The following PCNX2 variants were observed in gnomAD, a reference collection of about 807,000 sequenced individuals.
PCNX2 encodes the protein pecanex 2, also known as pecanex-like protein 2.
In PCNX2, 168 loss-of-function variants were observed where a neutral mutation model predicts 223.8. The observed-to-expected ratio is 0.75, with a 90% CI of 0.66 to 0.85. The LOEUF is 0.85. Among genes scored for constraint, PCNX2 ranks in the 40% least tolerant of loss-of-function variants. The probability of loss-of-function intolerance (pLI) is 0.00; values close to 1 mark genes in which losing one functional copy is unlikely to be tolerated. For synonymous variants in PCNX2, 1,006 were observed against 1,052.6 expected (o/e 0.96, Z 0.86); for missense variants, 2,507 against 2,675.5 (o/e 0.94, Z 1.39).
intron 23 of PCNX2, among the ~76,000 whole-genome samples, chr1:233,081,626 T>G (rs1673364403): frequency 1.3e-5 from 2 of 152,224 alleles, no homozygotes. Flanking sequence ...CACGCTTTCT[T>G]GCAGCCTGAA....
chr1:233,165,828 A>C (rs1036379431), intron 17 of PCNX2, among the ~76,000 whole-genome samples: 5 of 152,194 alleles, frequency 3.3e-5, no homozygotes, highest in African/African-American at 4.8e-5. Context: ...TTGTAATGAA[A>C]ATTCTAGCAG....
At chr1:233,075,196 G>T (rs1673037042) in intron 23 of PCNX2, among the ~76,000 whole-genome samples, 1 of 152,100 alleles carries the variant, frequency 6.6e-6, no homozygotes, top group African/African-American at 2.4e-5. Flanking sequence ...TCCTTCAATG[G>T]ATGACTTATT....
At chr1:233,300,360 G>A (rs1322418333), upstream of PCNX2, among the ~76,000 whole-genome samples, 1 of 152,224 alleles carries the variant, frequency 6.6e-6, no homozygotes, top group Non-Finnish European at 1.5e-5. Context: ...GAAATATTAT[G>A]CAATTGAGAA....
chr1:233,099,315 A>G (rs551198220), intron 21 of PCNX2, among the ~76,000 whole-genome samples: 1 of 152,342 alleles, frequency 6.6e-6, no homozygotes, highest in South Asian at 2.1e-4. Context: ...CACAAGCATG[A>G]ACATCACACA....
intron 21 of PCNX2, among the ~76,000 whole-genome samples, chr1:233,096,899 T>C (rs956904987): frequency 6.6e-6 from 1 of 152,184 alleles, no homozygotes; most frequent in Non-Finnish European, 1.5e-5. Flanking sequence ...CCTGGTGATT[T>C]TGGAACCCAA....
chr1:233,037,408 T>C (rs1443744673), intron 25 of PCNX2, among the ~76,000 whole-genome samples: 1 of 152,156 alleles, frequency 6.6e-6, no homozygotes, highest in Admixed American at 6.5e-5. Context: ...CATAGCTCAC[T>C]GTCACTCAAA....
chr1:233,031,646 G>C (rs1671268409), intron 25 of PCNX2: 1 of 595,838 alleles, frequency 1.7e-6, no homozygotes, highest in South Asian at 7.4e-5. Flanking sequence ...CTATGAAATA[G>C]GAGTCCAGGT....
At position 233,252,715 on chromosome 1, in the gene PCNX2, T is replaced by C. The variant is rs1430432826; in HGVS notation, c.1908A>G (p.Gly636=). 2 of 1,613,844 alleles carry C rather than the reference T, an allele frequency of 1.2e-6. No homozygotes were observed. Among genetic ancestry groups the C allele is most frequent in the Non-Finnish European group, 1.7e-6 (2 of 1,179,882 alleles). The part of the protein sequence containing the change: ...EKPSGHSSKQ[G]KPDLQSQDHT... ...GGTCTTGACTTTGCAAATCTGGTTT[T>C]CCTTGCTTAGAACTGTGTCCACTGG... Residue 636 remains glycine, a synonymous_variant, in exon 6 of 34, where the codon GGA becomes GGG. Coordinates refer to ENST00000258229, the MANE Select transcript of PCNX2 (RefSeq NM_014801.4).
At chr1:232,995,737 A>G (rs1669852151) in intron 32 of PCNX2, among the ~76,000 whole-genome samples, 3 of 152,204 alleles carry the variant, frequency 2.0e-5, no homozygotes, top group African/African-American at 7.2e-5. Context: ...GGAAGCTGTG[A>G]TTGCTCCTGT....
At chr1:232,992,211 T>A (rs945368012) in intron 32 of PCNX2, among the ~76,000 whole-genome samples, 9 of 152,196 alleles carry the variant, frequency 5.9e-5, no homozygotes, top group Non-Finnish European at 1.3e-4. Context: ...CTGCAGTGCC[T>A]TCTTTCCTCA....
chr1:233,284,166 G>T (rs1661328887), intron 1 of PCNX2, among the ~76,000 whole-genome samples: 1 of 152,178 alleles, frequency 6.6e-6, no homozygotes, highest in South Asian at 2.1e-4. Context: ...TTACTGGCTG[G>T]CATAACGGAA....
rs947934517 is a variant in PCNX2, at chr1:233,219,544, T to C, written c.2505-1360A>G. On this transcript the variant is annotated intron_variant, in intron 10 of 33. Coordinates refer to ENST00000258229, the MANE Select transcript of PCNX2 (RefSeq NM_014801.4). ...CCAGTTTTTGCTCATATACCTGTTTTTCTACCCCACTAAGCTGATATTGTT... is the reference window on the plus strand; with the variant it reads ...CCAGTTTTTGCTCATATACCTGTTTCTCTACCCCACTAAGCTGATATTGTT... 4.6e-5 allele frequency among the ~76,000 whole-genome samples: 7 copies of C among 152,236 alleles called. No homozygotes were observed. The East Asian group carries it at 1.2e-3, about 25-fold the overall frequency.
chr1:233,316,799 ATCTTACCCATCTTT>A, the PCNX2 span, among the ~76,000 whole-genome samples: 2 of 152,222 alleles, frequency 1.3e-5, no homozygotes, highest in South Asian at 4.1e-4. Context: ...TTCCTGACTC[ATCTTACCCATCTTT>A]TCTTACACTC....
chr1:233,060,446 C>T (rs1429752523), intron 23 of PCNX2, among the ~76,000 whole-genome samples: 1 of 152,196 alleles, frequency 6.6e-6, no homozygotes, highest in Non-Finnish European at 1.5e-5. Context: ...GCCTATAGAA[C>T]ACAGTCTAAA....
chr1:233,211,176 GAA>G (rs1177002665), intron 12 of PCNX2, among the ~76,000 whole-genome samples: 2 of 152,090 alleles, frequency 1.3e-5, no homozygotes, highest in Non-Finnish European at 2.9e-5. Flanking sequence ...GCCTCAAGGG[GAA>G]TGACCTGAGG....
At chr1:233,264,118 G>A (rs1266489117) in intron 1 of PCNX2, among the ~76,000 whole-genome samples, 4 of 152,070 alleles carry the variant, frequency 2.6e-5, no homozygotes, top group African/African-American at 7.2e-5. Flanking sequence ...GAAACAAAAC[G>A]AAAAGAATCA....
the PCNX2 span, among the ~76,000 whole-genome samples, chr1:233,312,686 A>C: frequency 2.0e-5 from 3 of 152,246 alleles, no homozygotes; most frequent in Non-Finnish European, 2.9e-5. Context: ...ACAATTATGA[A>C]TGATGATGTA....
At chr1:233,125,887 T>C (rs1425241158) in intron 21 of PCNX2, 1 of 152,140 alleles carries the variant, frequency 6.6e-6, no homozygotes, top group African/African-American at 2.4e-5. Flanking sequence ...TGCCTTTGGG[T>C]CATTCAGTAA....
intron 10 of PCNX2, among the ~76,000 whole-genome samples, chr1:233,224,805 A>C (rs1235603793): frequency 6.6e-6 from 1 of 152,074 alleles, no homozygotes; most frequent in African/African-American, 2.4e-5. Context: ...TATGGCTCTG[A>C]ATTAAAAGTG....
Sources: allele counts gnomAD v4.1 joint callset (sites outside exome capture counted in the v4.1 genomes callset), GRCh38; gene constraint gnomAD v4.1.1; transcripts MANE v1.5; gene names NCBI Gene and HGNC (gene_info 2026-07-23, HGNC 2026-07-21).